The following MED13L variants were observed in gnomAD, a reference collection of about 807,000 sequenced individuals.
The protein encoded by MED13L is mediator of RNA polymerase II transcription subunit 13-like.
Under a neutral mutation model 220.9 loss-of-function variants are expected in MED13L, and 7 were observed. The ratio of observed to expected loss-of-function variants is 0.03; its 90% confidence interval spans 0.02 to 0.06. The LOEUF (loss-of-function observed/expected upper bound fraction) is 0.06, where lower values mean the gene tolerates loss of function less well. Among genes scored for constraint, MED13L ranks in the 10% least tolerant of loss-of-function variants. The pLI, the probability that MED13L is intolerant of heterozygous loss-of-function variation, is 1.00. For synonymous variants in MED13L, 1,011 were observed against 1,015.2 expected, an observed-to-expected ratio of 1.00 and a Z score of 0.08; for missense variants, 1,965 against 2,760.5, an observed-to-expected ratio of 0.71 and a Z score of 6.46.
At chr12:116,034,006 G>T (rs1201685268) in intron 4 of MED13L, among the ~76,000 whole-genome samples, 1 of 151,844 alleles carries the variant, frequency 6.6e-6, no homozygotes, top group Non-Finnish European at 1.5e-5. Flanking sequence ...GTGCCACTCT[G>T]GTTCATATCT....
chr12:116,160,829 A>G (rs1196950129), intron 2 of MED13L, among the ~76,000 whole-genome samples: 1 of 151,340 alleles, frequency 6.6e-6, no homozygotes. Context: ...CAGCCTCCCA[A>G]TGTGCTGAGA....
chr12:116,094,080 CT>C (rs1593036545), intron 4 of MED13L, among the ~76,000 whole-genome samples: 2 of 152,176 alleles, frequency 1.3e-5, no homozygotes, highest in African/African-American at 4.8e-5. Flanking sequence ...ATGCTAAATG[CT>C]CTCCTTCACA....
chr12:116,272,745 G>A (rs977001686), intron 1 of MED13L, among the ~76,000 whole-genome samples: 5 of 152,020 alleles, frequency 3.3e-5, no homozygotes, highest in Non-Finnish European at 7.4e-5. Flanking sequence ...CAGGCCTAAG[G>A]TACATTATTG....
chr12:116,192,507 T>G (rs557656347), intron 2 of MED13L, among the ~76,000 whole-genome samples: 1 of 152,170 alleles, frequency 6.6e-6, no homozygotes, highest in Non-Finnish European at 1.5e-5. Flanking sequence ...ACTTTATTAG[T>G]ATAAAGGTTT....
chr12:116,196,411 T>C (rs911668131), intron 2 of MED13L, among the ~76,000 whole-genome samples: 7 of 151,954 alleles, frequency 4.6e-5, no homozygotes, highest in Admixed American at 3.9e-4. Flanking sequence ...TGGCCCAGTC[T>C]TCGGCTTCGG....
At chr12:116,044,559 GAC>G (rs1465940062) in intron 4 of MED13L, among the ~76,000 whole-genome samples, 1 of 152,210 alleles carries the variant, frequency 6.6e-6, no homozygotes, top group African/African-American at 2.4e-5. Context: ...AGCATCTAAA[GAC>G]AGATTCAAAA....
chr12:115,977,792 C>T (rs894282227), intron 23 of MED13L, among the ~76,000 whole-genome samples: 1 of 152,008 alleles, frequency 6.6e-6, no homozygotes, highest in Non-Finnish European at 1.5e-5. Context: ...AGCCAAGGAG[C>T]TCAAGACCAG....
chr12:116,243,971 T>C (rs1870873191), intron 1 of MED13L, among the ~76,000 whole-genome samples: 1 of 152,174 alleles, frequency 6.6e-6, no homozygotes, highest in Non-Finnish European at 1.5e-5. Context: ...GGAACCCTTA[T>C]TACCCATCAA....
At chr12:116,083,641 C>G (rs1871390211) in intron 4 of MED13L, among the ~76,000 whole-genome samples, 1 of 152,086 alleles carries the variant, frequency 6.6e-6, no homozygotes, top group African/African-American at 2.4e-5. Flanking sequence ...CAGGAAAACT[C>G]GTAATAATGC....
Position 115,991,339 on chromosome 12 carries a change from C to T in MED13L, c.3615G>A (p.Gln1205=). ...QAAERRLMMC[Q]STFLPQVEGT... ...CTTCCACCTGAGGAAGGAAGGTGGA[C>T]TGACACATCATTAAGCGCCTCTCTG... The change falls in exon 17 of 31, where the codon CAG becomes CAA. Residue 1205 remains glutamine (Q), a synonymous_variant. Coordinates refer to ENST00000281928, the MANE Select transcript of MED13L (RefSeq NM_015335.5). This position sits in a 1 kb window ranked among gnomAD's most constrained non-coding sequence, Gnocchi z 7.7. The T allele has an allele frequency of 6.2e-7, 1 of 1,614,038 alleles. No individual in the cohort carries two copies.
chr12:116,077,047 T>C (rs895147183), intron 4 of MED13L, among the ~76,000 whole-genome samples: 9 of 152,174 alleles, frequency 5.9e-5, no homozygotes, highest in Admixed American at 4.6e-4. Flanking sequence ...TCTGTCTTAC[T>C]GCTGCTTCCC....
At chr12:116,050,711 T>G (rs2137583591) in intron 4 of MED13L, among the ~76,000 whole-genome samples, 1 of 151,992 alleles carries the variant, frequency 6.6e-6, no homozygotes, top group Middle Eastern at 3.4e-3. Flanking sequence ...CCAAGGAGGG[T>G]GGATCACATG....
intron 1 of MED13L, among the ~76,000 whole-genome samples, chr12:116,276,029 T>C (rs1228899148): frequency 1.3e-5 from 2 of 152,166 alleles, no homozygotes; most frequent in Non-Finnish European, 1.5e-5. Context: ...AGGTAGGTAA[T>C]ACGACCCAAT....
At position 116,017,576 on chromosome 12, in the gene MED13L, A is replaced by T. The variant is rs960464558; in HGVS notation, c.1009+1648T>A. ...ATTGATGATAAATCCTTTCACAAGGAATCATCCAAATTCTCTGCTCTACCA... is the reference window on the plus strand; with the variant it reads ...ATTGATGATAAATCCTTTCACAAGGTATCATCCAAATTCTCTGCTCTACCA... On this transcript the variant is annotated intron_variant, in intron 7 of 30. Coordinates refer to ENST00000281928, the MANE Select transcript of MED13L (RefSeq NM_015335.5). Among the ~76,000 whole-genome samples, 5 of 152,226 alleles carry T rather than the reference A, an allele frequency of 3.3e-5. No individual in the cohort carries two copies. In the East Asian group the frequency reaches 7.7e-4, roughly 23 times the overall value.
intron 2 of MED13L, among the ~76,000 whole-genome samples, chr12:116,219,141 C>A (rs1883169585): frequency 6.6e-6 from 1 of 152,132 alleles, no homozygotes; most frequent in Non-Finnish European, 1.5e-5. Flanking sequence ...GACAGAATGT[C>A]AATAATAAAG....
At chr12:116,022,664 GA>G (rs1880130055) in intron 4 of MED13L, 63 bp from the exon 5 acceptor site, 1 of 1,526,010 alleles carries the variant, frequency 6.6e-7, no homozygotes, top group Non-Finnish European at 8.9e-7. Context: ...CTAGAAACAG[GA>G]ACTACAGGTA....
chr12:115,984,038 C>T (rs1041581330), intron 20 of MED13L, 142 bp downstream of exon 20: 11 of 998,626 alleles, frequency 1.1e-5, no homozygotes, highest in Non-Finnish European at 1.7e-5. Context: ...ATTAAACTGC[C>T]CAGAACACCA....
At chr12:116,150,973 T>C (rs911032699) in intron 2 of MED13L, among the ~76,000 whole-genome samples, 3 of 152,128 alleles carry the variant, frequency 2.0e-5, no homozygotes, top group African/African-American at 4.8e-5. Flanking sequence ...AGGCCCACAG[T>C]AGGGACTCGT....
intron 4 of MED13L, among the ~76,000 whole-genome samples, chr12:116,080,611 T>G (rs1226042900): frequency 6.6e-6 from 1 of 152,240 alleles, no homozygotes; most frequent in Non-Finnish European, 1.5e-5. Context: ...GTTTCAGTAT[T>G]AGACTGTACT....
Sources: gnomAD v4.1 joint callset for allele counts (sites outside exome capture counted in the v4.1 genomes callset) on GRCh38, gnomAD v4.1.1 for gene constraint, Gnocchi (gnomAD v3.1) non-coding constraint, MANE v1.5 for transcripts, NCBI Gene and HGNC (gene_info 2026-07-23, HGNC 2026-07-21) for gene names.